Variants in NTM observed in about 807,000 individuals in gnomAD.
NTM encodes neurotrimin, also known as IgLON family member 2.
A neutral mutation model predicts 42.1 loss-of-function variants in NTM; 13 were observed. The ratio of observed to expected loss-of-function variants is 0.31; its 90% CI spans 0.20 to 0.49. The LOEUF (loss-of-function observed/expected upper bound fraction) is 0.49. NTM is among the 20% of genes least tolerant of loss of function. The pLI is 0.99. For missense variants in NTM, 373 were observed against 452.8 expected (o/e 0.82, Z 1.60); for synonymous variants, 187 against 179.2 (o/e 1.04, Z -0.35).
chr11:131,808,145 T>C (rs367767779), intron 1 of NTM, among the ~76,000 whole-genome samples: 3 of 152,208 alleles, frequency 2.0e-5, no homozygotes, highest in African/African-American at 7.2e-5. Flanking sequence ...TACTTATCTT[T>C]GAAATGGGAT....
At chr11:131,732,066 G>C (rs1565479201) in intron 1 of NTM, among the ~76,000 whole-genome samples, 1 of 152,036 alleles carries the variant, frequency 6.6e-6, no homozygotes, top group South Asian at 2.1e-4. Context: ...CAAACTCTCT[G>C]GACCCCCACG....
intron 2 of NTM, among the ~76,000 whole-genome samples, chr11:132,021,265 AT>A (rs1030357696): frequency 4.6e-5 from 7 of 151,850 alleles, no homozygotes; most frequent in African/African-American, 1.5e-4. Flanking sequence ...CTACATATGG[AT>A]TTTTTTGTTG....
At chr11:131,851,126 G>T (rs1004266921) in intron 1 of NTM, among the ~76,000 whole-genome samples, 4 of 152,192 alleles carry the variant, frequency 2.6e-5, no homozygotes, top group Non-Finnish European at 4.4e-5. Flanking sequence ...CTAAAGGAGA[G>T]TATTATGAGT....
chr11:131,809,243 C>A (rs756314735), intron 1 of NTM, among the ~76,000 whole-genome samples: 1 of 152,202 alleles, frequency 6.6e-6, no homozygotes, highest in Non-Finnish European at 1.5e-5. Context: ...TATATGTATA[C>A]CATGCAATAA....
chr11:132,328,717 G>T (rs2095738432), intron 7 of NTM, among the ~76,000 whole-genome samples: 1 of 152,090 alleles, frequency 6.6e-6, no homozygotes, highest in Non-Finnish European at 1.5e-5. Flanking sequence ...TCTGTCTTTA[G>T]TCTGTCCTTC....
chr11:132,311,409 T>C (rs1353535496), intron 6 of NTM, among the ~76,000 whole-genome samples: 1 of 152,214 alleles, frequency 6.6e-6, no homozygotes, highest in East Asian at 1.9e-4. Context: ...TATATTCATG[T>C]AGCCCATTTT....
At chr11:131,789,454 GAA>G (rs1219057612) in intron 1 of NTM, among the ~76,000 whole-genome samples, 1 of 12,092 alleles carries the variant, frequency 8.3e-5, no homozygotes, top group Non-Finnish European at 1.6e-4. Flanking sequence ...AGAAGAAGAA[GAA>G]GAAGAAGAAG....
intron 2 of NTM, among the ~76,000 whole-genome samples, chr11:131,989,884 G>C (rs191930339): frequency 6.6e-6 from 1 of 152,092 alleles, no homozygotes; most frequent in Admixed American, 6.5e-5. Flanking sequence ...GTAGTAATAC[G>C]TGAGATTTCT....
intron 1 of NTM, among the ~76,000 whole-genome samples, chr11:131,623,364 A>G (rs932189562): frequency 6.6e-5 from 10 of 152,248 alleles, no homozygotes; most frequent in African/African-American, 2.4e-4. Flanking sequence ...TAAAAATCGT[A>G]TACAAATATG....
At chr11:132,275,749 T>TACATATATAC (rs1491320001) in intron 4 of NTM, among the ~76,000 whole-genome samples, 1 of 20,738 alleles carries the variant, frequency 4.8e-5, no homozygotes, top group Non-Finnish European at 9.4e-5. Context: ...TATATATATG[T>TACATATATAC]GTATATATAT....
At chr11:132,202,243 G>T (rs1399718199) in intron 3 of NTM, among the ~76,000 whole-genome samples, 1 of 152,178 alleles carries the variant, frequency 6.6e-6, no homozygotes, top group Admixed American at 6.5e-5. Context: ...CGACTACACG[G>T]TGGGGAATCA....
intron 2 of NTM, among the ~76,000 whole-genome samples, chr11:132,047,455 C>A (rs972796184): frequency 3.9e-5 from 6 of 152,262 alleles, no homozygotes; most frequent in African/African-American, 1.4e-4. Context: ...TGTCTCTAAG[C>A]CTTTGGTCAG....
intron 4 of NTM, among the ~76,000 whole-genome samples, chr11:132,236,021 C>CACACACACACACACAT (rs71477750): frequency 6.0e-5 from 9 of 150,798 alleles, no homozygotes; most frequent in Non-Finnish European, 1.3e-4. Context: ...CACACACACA[C>CACACACACACACACAT]AACAAAATTG....
intron 1 of NTM, among the ~76,000 whole-genome samples, chr11:131,638,296 G>C (rs1283706122): frequency 1.3e-5 from 2 of 152,088 alleles, no homozygotes; most frequent in Non-Finnish European, 2.9e-5. Flanking sequence ...GCAGGGTGTG[G>C]TGGCTCATGT....
At chr11:131,422,307 C>T (rs1474805967) in intron 1 of NTM, among the ~76,000 whole-genome samples, 1 of 152,230 alleles carries the variant, frequency 6.6e-6, no homozygotes, top group Admixed American at 6.5e-5. Context: ...TTCTCCATCA[C>T]ACCCTTGCCG....
At chr11:131,599,514 C>A (rs1296796599) in intron 1 of NTM, among the ~76,000 whole-genome samples, 1 of 152,180 alleles carries the variant, frequency 6.6e-6, no homozygotes, top group African/African-American at 2.4e-5. Context: ...CCTTTTAGAC[C>A]CTGTTAACAG....
chr11:131,794,770 C>T (rs774136843), intron 1 of NTM: 2 of 985,234 alleles, frequency 2.0e-6, no homozygotes, highest in Admixed American at 1.2e-4. Context: ...CTCCACACAC[C>T]ATGTGAAAAG....
intron 1 of NTM, among the ~76,000 whole-genome samples, chr11:131,519,935 T>A (rs1323505867): frequency 1.3e-5 from 2 of 150,838 alleles, no homozygotes; most frequent in Admixed American, 6.6e-5. Context: ...TTTAGTTTTA[T>A]TTCTTGGTTA....
intron 3 of NTM, among the ~76,000 whole-genome samples, chr11:132,171,411 C>T (rs2076099659): frequency 6.6e-6 from 1 of 152,186 alleles, no homozygotes; most frequent in Non-Finnish European, 1.5e-5. Context: ...CTGGCGTGGG[C>T]TCACTTCCTG....
Sources: allele counts gnomAD v4.1 joint callset (sites outside exome capture counted in the v4.1 genomes callset), GRCh38; gene constraint gnomAD v4.1.1; transcripts MANE v1.5; gene names NCBI Gene and HGNC (gene_info 2026-07-23, HGNC 2026-07-21).